The following ANO3 variants were observed in gnomAD, a reference collection of about 807,000 sequenced individuals.
ANO3 encodes anoctamin-3.
A neutral mutation model predicts 144.8 loss-of-function variants in ANO3; 99 were observed. That is an observed-to-expected ratio of 0.68 (90% confidence interval 0.58 to 0.81). ANO3 has a LOEUF of 0.81. ANO3 is among the 30% of genes least tolerant of loss of function. The pLI, the probability that ANO3 is intolerant of heterozygous loss-of-function variation, is 0.00. For synonymous variants in ANO3, 414 were observed against 392.6 expected (o/e 1.05, Z -0.64); for missense variants, 905 against 1,202.2 (o/e 0.75, Z 3.66).
At chr11:26,493,113 T>A (rs1385584038) in intron 4 of ANO3, among the ~76,000 whole-genome samples, 1 of 152,210 alleles carries the variant, frequency 6.6e-6, no homozygotes, top group African/African-American at 2.4e-5. Context: ...TCTCTAGCCT[T>A]AATAACTTGA....
At chr11:26,488,563 TC>T (rs1860561584) in intron 4 of ANO3, among the ~76,000 whole-genome samples, 1 of 152,178 alleles carries the variant, frequency 6.6e-6, no homozygotes, top group East Asian at 1.9e-4. Context: ...TCTGGTGGGT[TC>T]TTGGTCTTGC....
At chr11:26,644,231 T>C (rs1336803694) in intron 23 of ANO3, among the ~76,000 whole-genome samples, 1 of 152,226 alleles carries the variant, frequency 6.6e-6, no homozygotes, top group Non-Finnish European at 1.5e-5. Flanking sequence ...CAATATGCTA[T>C]TTCATAAACT....
chr11:26,402,721 G>T (rs1302431350), intron 1 of ANO3, among the ~76,000 whole-genome samples: 1 of 151,912 alleles, frequency 6.6e-6, no homozygotes, highest in Non-Finnish European at 1.5e-5. Flanking sequence ...GGTGGAGGTT[G>T]AAAGGAGGGA....
rs56225203 is a variant in ANO3, at chr11:26,332,444, T to TAAAAA, written c.46+135_46+139dup. The TAAAAA allele has an allele frequency of 7.7e-3, 4,732 of 613,326 alleles. 5 individuals are homozygous for TAAAAA. Among genetic ancestry groups the TAAAAA allele is most frequent in the South Asian group, 0.012 (511 of 43,436 alleles). The allele number at this position is 613,326 out of a possible 1,614,324, so 38.0% of individuals were successfully genotyped here. On this transcript the variant is annotated intron_variant, in intron 1 of 26. Coordinates refer to ENST00000256737, the MANE Select transcript of ANO3 (RefSeq NM_031418.4). The stretch of plus-strand genomic sequence containing the variant: ...ACAGAGGTGGGGAACTCTGTGAAGT[T>TAAAAA]AAAAAAAAAAAAAAAATTAAATTCC...
chr11:26,303,257 G>A (rs1854278819), intron 1 of ANO3, among the ~76,000 whole-genome samples: 1 of 152,072 alleles, frequency 6.6e-6, no homozygotes, highest in African/African-American at 2.4e-5. Flanking sequence ...GTTCATCACA[G>A]CGCTATTGAC....
chr11:26,373,443 T>C lies in ANO3; in HGVS notation c.46+41122T>C, dbSNP rs773051877. 2.0e-5 allele frequency among the ~76,000 whole-genome samples: 3 copies of C among 152,330 alleles called. No homozygotes were observed. In the East Asian group the frequency reaches 5.8e-4, roughly 29 times the overall value. ...GCTTCTGTTTTGCCTTCCGCCATGA[T>C]TGTAATTTTCTGATGCCTCCCCAGC... On this transcript the variant is annotated intron_variant, in intron 1 of 26. Coordinates refer to ENST00000256737, the MANE Select transcript of ANO3 (RefSeq NM_031418.4).
At chr11:26,560,830 T>C (rs763528540) in intron 14 of ANO3, 2 of 384,946 alleles carry the variant, frequency 5.2e-6, no homozygotes, top group Non-Finnish European at 9.2e-6. Flanking sequence ...AAAATACTAC[T>C]AAAATACAAA....
intron 14 of ANO3, among the ~76,000 whole-genome samples, chr11:26,563,510 AAAT>A (rs1850387899): frequency 6.6e-6 from 1 of 151,548 alleles, no homozygotes; most frequent in African/African-American, 2.4e-5. Context: ...AATTACATTG[AAAT>A]ACTTCTAAGT....
chr11:26,253,565 A>G (rs1852987946), intron 1 of ANO3, among the ~76,000 whole-genome samples: 1 of 152,034 alleles, frequency 6.6e-6, no homozygotes, highest in Non-Finnish European at 1.5e-5. Context: ...ATAAACTTAA[A>G]AAAAAAAAAA....
intron 1 of ANO3, among the ~76,000 whole-genome samples, chr11:26,358,687 GT>G (rs1855849898): frequency 6.6e-6 from 1 of 152,068 alleles, no homozygotes; most frequent in Non-Finnish European, 1.5e-5. Flanking sequence ...TCGGCCACTA[GT>G]TTTTTAATAT....
intron 4 of ANO3, among the ~76,000 whole-genome samples, chr11:26,472,446 T>C (rs1859816464): frequency 6.6e-6 from 1 of 151,944 alleles, no homozygotes; most frequent in Non-Finnish European, 1.5e-5. Flanking sequence ...AAGGCTTAGA[T>C]GGCTACGTAA....
At chr11:26,564,302 T>G (rs1850427636) in intron 14 of ANO3, among the ~76,000 whole-genome samples, 1 of 151,638 alleles carries the variant, frequency 6.6e-6, no homozygotes, top group Admixed American at 6.6e-5. Flanking sequence ...TTTCAGAATT[T>G]AAAACTTTTC....
At chr11:26,199,806 T>G (rs1230789864) in intron 1 of ANO3, among the ~76,000 whole-genome samples, 1 of 152,204 alleles carries the variant, frequency 6.6e-6, no homozygotes, top group Non-Finnish European at 1.5e-5. Context: ...GTCTTCCTTA[T>G]GGAAACAGTG....
At chr11:26,344,428 C>T (rs185286070) in intron 1 of ANO3, among the ~76,000 whole-genome samples, 30 of 148,494 alleles carry the variant, frequency 2.0e-4, no homozygotes, top group African/African-American at 6.7e-4. Flanking sequence ...TGCAGTGGCA[C>T]GATCTCGGCT....
chr11:26,277,928 T>G (rs1359597331), intron 1 of ANO3, among the ~76,000 whole-genome samples: 1 of 152,060 alleles, frequency 6.6e-6, no homozygotes, highest in African/African-American at 2.4e-5. Flanking sequence ...GAAGATGTAT[T>G]GCATTTCCAA....
chr11:26,275,266 A>G (rs1853531736), intron 1 of ANO3, among the ~76,000 whole-genome samples: 1 of 152,100 alleles, frequency 6.6e-6, no homozygotes, highest in African/African-American at 2.4e-5. Context: ...ATGTTTTCTT[A>G]CTCAATAGGA....
intron 1 of ANO3, among the ~76,000 whole-genome samples, chr11:26,211,392 A>C (rs2133782712): frequency 6.6e-6 from 1 of 152,162 alleles, no homozygotes; most frequent in South Asian, 2.1e-4. Context: ...TTAAATTCCC[A>C]CAGGAGAAAG....
At chr11:26,306,388 A>G (rs962255247), upstream of ANO3, among the ~76,000 whole-genome samples, 1 of 152,112 alleles carries the variant, frequency 6.6e-6, no homozygotes, top group Admixed American at 6.5e-5. Context: ...AGGCTCCCGA[A>G]TGCATGGATA....
intron 1 of ANO3, among the ~76,000 whole-genome samples, chr11:26,260,211 T>C (rs1483825076): frequency 6.6e-6 from 1 of 152,140 alleles, no homozygotes; most frequent in African/African-American, 2.4e-5. Context: ...GACCCACTAT[T>C]CTGTGGCTGA....
Sources: gnomAD v4.1 joint callset for allele counts (sites outside exome capture counted in the v4.1 genomes callset) on GRCh38, gnomAD v4.1.1 for gene constraint, MANE v1.5 for transcripts, NCBI Gene and HGNC (gene_info 2026-07-23, HGNC 2026-07-21) for gene names.